Variants in GREB1L observed in about 807,000 individuals in gnomAD.
GREB1L encodes the protein GREB1 like retinoic acid receptor coactivator.
GREB1L carries 17 observed loss-of-function variants against 200.8 expected under a neutral mutation model. That is an observed-to-expected ratio of 0.08 (90% CI 0.06 to 0.13). The LOEUF (loss-of-function observed/expected upper bound fraction) is 0.13, where lower values mean the gene tolerates loss of function less well. Ranked by LOEUF, GREB1L falls within the 10% of genes least tolerant of loss-of-function variation. The pLI is 1.00. For missense variants in GREB1L, 1,657 were observed against 2,367.7 expected, an observed-to-expected ratio of 0.70 and a Z score of 6.23; for synonymous variants, 789 against 893.0, an observed-to-expected ratio of 0.88 and a Z score of 2.08.
chr18:21,434,527 G>GTGTATA (rs1555646739), intron 7 of GREB1L, among the ~76,000 whole-genome samples: 1 of 138,772 alleles, frequency 7.2e-6, no homozygotes, highest in African/African-American at 2.9e-5. Flanking sequence ...GTGTGTGTGT[G>GTGTATA]TGTGTATATA....
In GREB1L at chr18:21,509,600, GGTTTT is replaced by G. The variant is rs199741202; in HGVS notation, c.4735+1016_4735+1020del. On this transcript the variant is annotated intron_variant, in intron 27 of 32. Transcript: ENST00000424526. ...ATGGGCTTAAAATATTTTCAAAAATGGTTTTGTTTTGAATATAATTGTTTATCACT... is the reference window on the plus strand; with the variant it reads ...ATGGGCTTAAAATATTTTCAAAAATGGTTTTGAATATAATTGTTTATCACT... 3.9e-5 allele frequency among the ~76,000 whole-genome samples: 6 copies of G among 152,138 alleles called. No homozygotes were observed. The East Asian group carries it at 9.7e-4, about 25-fold the overall frequency.
intron 21 of GREB1L, among the ~76,000 whole-genome samples, chr18:21,497,819 C>CT (rs1280195292): frequency 1.1e-4 from 14 of 125,906 alleles, no homozygotes; most frequent in South Asian, 3.3e-4. Context: ...CCACCCCCCC[C>CT]CCTTTTTTTT....
chr18:21,264,535 A>G (rs1347825303), intron 1 of GREB1L, among the ~76,000 whole-genome samples: 6 of 152,200 alleles, frequency 3.9e-5, no homozygotes, highest in Admixed American at 1.3e-4. Flanking sequence ...AAACTGTAAA[A>G]TAAGCCAGAG....
Position 21,473,208 on chromosome 18 carries a change from C to A in GREB1L, c.2360C>A (p.Thr787Lys). ...CATGACAACTCCCATGTGGAACTAACGAGGTGATTGGTTCAGAGTGAGCAA... is the reference window on the plus strand; with the variant it reads ...CATGACAACTCCCATGTGGAACTAAAGAGGTGATTGGTTCAGAGTGAGCAA... ...LVHDNSHVEL[T>K]SVISGSLSHS... The change falls in exon 16 of 33, where the codon ACG becomes AAG. Residue 787 changes from threonine to lysine, a missense_variant. Thr to Lys is a moderately conservative substitution (Grantham distance 78). Transcript: ENST00000424526. 6.6e-7 allele frequency: 1 copy of A among 1,521,632 alleles called. No individual in the cohort carries two copies. Among genetic ancestry groups the A allele is most frequent in the Non-Finnish European group, 8.8e-7 (1 of 1,130,194 alleles). 94.3% of individuals were successfully genotyped at this position (1,521,632 alleles called of 1,614,324 possible). A position where few individuals can be genotyped will look rare whatever the true frequency, so the allele number is the denominator to read the frequency against.
Position 21,448,495 on chromosome 18 carries a change from G to A in GREB1L, c.1394-1015G>A, listed in dbSNP as rs113574707. Among the ~76,000 whole-genome samples, 22 of 152,234 alleles carry A rather than the reference G, an allele frequency of 1.4e-4. 1 individual carries two copies. The highest frequency in any genetic ancestry group is 4.8e-4 in the African/African-American group (20 of 41,532). ...AAGGAATGGGTCTGACTCATTTGTG[G>A]TGCCTCCTTCTCATGCAGAAGTCCA... On this transcript the variant is annotated intron_variant, in intron 11 of 32. Coordinates refer to ENST00000424526, the MANE Select transcript of GREB1L (RefSeq NM_001142966.3).
chr18:21,502,693 A>G lies in GREB1L; in HGVS notation c.4072+2051A>G, dbSNP rs943490364. Among the ~76,000 whole-genome samples the G allele has an allele frequency of 5.3e-5, 8 of 152,148 alleles. No individual in the cohort carries two copies. The South Asian group carries it at 6.2e-4, about 12-fold the overall frequency. The stretch of plus-strand genomic sequence containing the variant: ...GCTGCACTAGATCGTCGGGCCCACC[A>G]GGTTGGCCTCAAAACACCCCAAGGC... On this transcript the variant is annotated intron_variant, in intron 23 of 32. Transcript: ENST00000424526.
chr18:21,515,009 AAC>A (rs1432994540), intron 28 of GREB1L, among the ~76,000 whole-genome samples: 1 of 152,176 alleles, frequency 6.6e-6, no homozygotes, highest in East Asian at 1.9e-4. Context: ...TCCCAGCTCA[AAC>A]ACTGTGATTT....
Position 21,444,240 on chromosome 18 carries a change from C to T in GREB1L, c.1224C>T (p.Pro408=). ...TTGGGACAGGCTATGGCACTTTACC[C>T]TATTTCTATGGAAATGTTGGTGACA... ...PVILIGYGTL[P]YFYGNVGDIV... Residue 408 remains proline (P), a synonymous_variant, in exon 11 of 33, where the codon CCC becomes CCT. Coordinates refer to ENST00000424526, the MANE Select transcript of GREB1L (RefSeq NM_001142966.3). 2 of 1,551,040 alleles carry T rather than the reference C, an allele frequency of 1.3e-6. No individual in the cohort carries two copies. The highest frequency in any genetic ancestry group is 1.7e-6 in the Non-Finnish European group (2 of 1,146,386).
At chr18:21,299,615 A>G (rs543111215) in intron 1 of GREB1L, among the ~76,000 whole-genome samples, 21 of 152,050 alleles carry the variant, frequency 1.4e-4, no homozygotes, top group African/African-American at 5.1e-4. Flanking sequence ...TTTGTCATCA[A>G]GAGTGTCACT....
chr18:21,465,713 G>A (rs2035238374), intron 15 of GREB1L, among the ~76,000 whole-genome samples: 1 of 151,978 alleles, frequency 6.6e-6, no homozygotes. Context: ...AGTTATTATT[G>A]TCCTCAAATA....
intron 1 of GREB1L, among the ~76,000 whole-genome samples, chr18:21,271,748 A>G (rs1327912603): frequency 2.0e-5 from 3 of 152,036 alleles, no homozygotes; most frequent in African/African-American, 7.2e-5. Flanking sequence ...GAGGGGAAAA[A>G]GGGATGATGC....
intron 1 of GREB1L, among the ~76,000 whole-genome samples, chr18:21,347,459 C>G (rs1165294033): frequency 6.6e-6 from 1 of 151,342 alleles, no homozygotes; most frequent in Non-Finnish European, 1.5e-5. Context: ...CTTTGCTTCA[C>G]TCTTTTTTTT....
At chr18:21,244,183 T>C (rs1437492641) in intron 1 of GREB1L, among the ~76,000 whole-genome samples, 1 of 151,878 alleles carries the variant, frequency 6.6e-6, no homozygotes, top group East Asian at 1.9e-4. Context: ...ATTAAACTAA[T>C]ATCTCCTCCT....
intron 2 of GREB1L, among the ~76,000 whole-genome samples, chr18:21,372,182 T>C (rs1348144130): frequency 1.3e-5 from 2 of 150,506 alleles, no homozygotes; most frequent in African/African-American, 2.5e-5. Flanking sequence ...AGAGTCTCGC[T>C]CTGTTGCCCA....
intron 1 of GREB1L, among the ~76,000 whole-genome samples, chr18:21,350,856 GA>G (rs1236240578): frequency 6.6e-6 from 1 of 152,046 alleles, no homozygotes; most frequent in Non-Finnish European, 1.5e-5. Context: ...AACCTTGCTG[GA>G]AAAAAACTGT....
At chr18:21,262,834 A>G (rs985039894) in intron 1 of GREB1L, among the ~76,000 whole-genome samples, 2 of 152,200 alleles carry the variant, frequency 1.3e-5, no homozygotes, top group African/African-American at 4.8e-5. Context: ...AAAACAGTAG[A>G]TGAGAACAAG....
rs2036104477 is a variant in GREB1L, at chr18:21,485,773, T to G, written c.2690+20T>G. 1 of 1,548,308 alleles carries G rather than the reference T, an allele frequency of 6.5e-7. No homozygotes were observed. The highest frequency in any genetic ancestry group is 2.0e-5 in the Admixed American group (1 of 50,924). On this transcript the variant is annotated intron_variant, in intron 18 of 32. Coordinates refer to ENST00000424526, the MANE Select transcript of GREB1L (RefSeq NM_001142966.3). ...GGAGAGGTAAATAGTAAATAAGGCCTTCTGCTCTTCTCTCTAGCTGTACTT... is the reference window on the plus strand; with the variant it reads ...GGAGAGGTAAATAGTAAATAAGGCCGTCTGCTCTTCTCTCTAGCTGTACTT...
intron 15 of GREB1L, among the ~76,000 whole-genome samples, chr18:21,458,152 G>A (rs1006811303): frequency 2.6e-5 from 4 of 151,942 alleles, no homozygotes; most frequent in African/African-American, 9.7e-5. Context: ...TGTATTTTTA[G>A]TAGAGACAGG....
intron 16 of GREB1L, among the ~76,000 whole-genome samples, chr18:21,474,567 G>A (rs1273620850): frequency 6.6e-6 from 1 of 152,182 alleles, no homozygotes; most frequent in Non-Finnish European, 1.5e-5. Context: ...TCAACACCAT[G>A]TGGAAGCTGC....
Sources: gnomAD v4.1 joint callset for allele counts (sites outside exome capture counted in the v4.1 genomes callset) on GRCh38, gnomAD v4.1.1 for gene constraint, MANE v1.5 for transcripts, NCBI Gene and HGNC (gene_info 2026-07-23, HGNC 2026-07-21) for gene names.